The following HMGB1 variants were observed in gnomAD, a reference collection of about 807,000 sequenced individuals.
The protein encoded by HMGB1 is high mobility group box 1.
For synonymous variants in HMGB1, 81 were observed against 84.0 expected, an observed-to-expected ratio of 0.96 and a Z score of 0.19; for missense variants, 79 against 253.5, an observed-to-expected ratio of 0.31 and a Z score of 4.67.
chr13:30,608,301 A>G (rs1415409061), intron 1 of HMGB1, among the ~76,000 whole-genome samples: 2 of 152,198 alleles, frequency 1.3e-5, no homozygotes, highest in Non-Finnish European at 2.9e-5. Flanking sequence ...AATTTGTTAC[A>G]TAACAAAATA....
Position 30,480,901 on chromosome 13 carries a change from T to C in HMGB1, c.-14-17207A>G, listed in dbSNP as rs143232856. Among the ~76,000 whole-genome samples the C allele has an allele frequency of 8.0e-4, 121 of 151,852 alleles. 1 individual carries two copies. In the East Asian group the frequency reaches 0.017, roughly 21 times the overall value. ...ATCAAAAGGCACTTATTTCAACACT[T>C]CAGGGAAAAGTAGTAACTAAGGAAA... On this transcript the variant is annotated intron_variant, in intron 1 of 4. Transcript: ENST00000405805.
At position 30,514,082 on chromosome 13, in the gene HMGB1, T is replaced by C. The variant is rs1888050029; in HGVS notation, c.-14-50388A>G. On this transcript the variant is annotated intron_variant, in intron 1 of 4. Coordinates refer to the HMGB1 transcript ENST00000405805. ...TTCATCCATCCACTCTCTCTTCATA[T>C]GGTCCACCTCTCATCTAAGGCCCTT... 2.6e-5 allele frequency among the ~76,000 whole-genome samples: 4 copies of C among 152,126 alleles called. No homozygotes were observed. The South Asian group carries it at 8.3e-4, about 32-fold the overall frequency.
intron 1 of HMGB1, among the ~76,000 whole-genome samples, chr13:30,598,384 A>G (rs1446348186): frequency 1.3e-5 from 2 of 152,346 alleles, no homozygotes; most frequent in East Asian, 3.9e-4. Context: ...ATTTTTCTAA[A>G]TGTGGCCACT....
At chr13:30,585,358 A>C (rs1287175433) in intron 1 of HMGB1, among the ~76,000 whole-genome samples, 1 of 151,952 alleles carries the variant, frequency 6.6e-6, no homozygotes, top group Admixed American at 6.6e-5. Context: ...AAACAAAAAA[A>C]CCCAATGCAT....
intron 1 of HMGB1, among the ~76,000 whole-genome samples, chr13:30,490,233 G>T (rs1398563690): frequency 6.6e-6 from 1 of 152,042 alleles, no homozygotes; most frequent in Non-Finnish European, 1.5e-5. Flanking sequence ...CCTTCACCAA[G>T]TCTGAACCGA....
At chr13:30,526,416 G>T (rs1411354629) in intron 1 of HMGB1, among the ~76,000 whole-genome samples, 1 of 152,200 alleles carries the variant, frequency 6.6e-6, no homozygotes, top group African/African-American at 2.4e-5. Flanking sequence ...AACTCTATGA[G>T]ATTGTATTTT....
At chr13:30,617,527 A>G (rs1950580870) in exon 1 of HMGB1, 1 of 152,098 alleles carries the variant, frequency 6.6e-6, no homozygotes, top group Middle Eastern at 3.1e-3. Context: ...GCTCCCGACC[A>G]CGCTCGCGCG....
chr13:30,593,228 C>G (rs1419463539), intron 1 of HMGB1, among the ~76,000 whole-genome samples: 1 of 151,910 alleles, frequency 6.6e-6, no homozygotes, highest in Non-Finnish European at 1.5e-5. Context: ...TTACAGACCA[C>G]CCCCCCGTAG....
At chr13:30,575,910 A>C (rs935141203) in intron 1 of HMGB1, among the ~76,000 whole-genome samples, 7 of 152,074 alleles carry the variant, frequency 4.6e-5, no homozygotes, top group Non-Finnish European at 8.8e-5. Context: ...CTCTAAAAAA[A>C]ATTCGTTTTA....
intron 1 of HMGB1, chr13:30,542,688 C>A: frequency 5.0e-6 from 1 of 200,702 alleles, no homozygotes. Flanking sequence ...GCTTCCTGTT[C>A]CTTGGATTTC....
chr13:30,507,581 A>G (rs1434872149), intron 1 of HMGB1, among the ~76,000 whole-genome samples: 1 of 152,214 alleles, frequency 6.6e-6, no homozygotes, highest in Non-Finnish European at 1.5e-5. Context: ...CAGAATTACT[A>G]TTTCAAGAAA....
intron 1 of HMGB1, among the ~76,000 whole-genome samples, chr13:30,526,897 G>A (rs1335225799): frequency 6.6e-6 from 1 of 152,244 alleles, no homozygotes; most frequent in East Asian, 1.9e-4. Flanking sequence ...TTTTGTCTCA[G>A]ATCACAATCA....
At chr13:30,538,472 T>G (rs1203585829) in intron 1 of HMGB1, among the ~76,000 whole-genome samples, 1 of 35,388 alleles carries the variant, frequency 2.8e-5, no homozygotes, top group Non-Finnish European at 6.8e-5. Context: ...CTTTCTTTCT[T>G]TCTTTCTTTC....
intron 1 of HMGB1, among the ~76,000 whole-genome samples, chr13:30,556,578 TAAA>T (rs1459455344): frequency 2.0e-5 from 3 of 152,042 alleles, no homozygotes; most frequent in Non-Finnish European, 4.4e-5. Flanking sequence ...TATTCAGCCA[TAAA>T]AAAGAGTGAA....
intron 1 of HMGB1, among the ~76,000 whole-genome samples, chr13:30,560,736 AAT>A (rs1869914898): frequency 6.6e-6 from 1 of 152,192 alleles, no homozygotes; most frequent in African/African-American, 2.4e-5. Flanking sequence ...CATGGAGATA[AAT>A]TTCTAAGTGT....
At chr13:30,524,798 A>G (rs1888328376) in intron 1 of HMGB1, among the ~76,000 whole-genome samples, 1 of 132,756 alleles carries the variant, frequency 7.5e-6, no homozygotes, top group Non-Finnish European at 1.7e-5. Flanking sequence ...TATGTCTGTA[A>G]CCATCTGCAG....
chr13:30,463,981 G>T, intron 1 of HMGB1: 1 of 467,092 alleles, frequency 2.1e-6, no homozygotes, highest in Non-Finnish European at 3.0e-6. Context: ...AGTCTGCTCT[G>T]AATGAGTATC....
At chr13:30,563,052 T>C (rs912228766) in intron 1 of HMGB1, among the ~76,000 whole-genome samples, 6 of 152,240 alleles carry the variant, frequency 3.9e-5, no homozygotes, top group African/African-American at 7.2e-5. Flanking sequence ...CACAGGGCTT[T>C]AAGCCTCAAG....
At chr13:30,533,465 A>G (rs1041212858) in intron 1 of HMGB1, among the ~76,000 whole-genome samples, 1 of 152,138 alleles carries the variant, frequency 6.6e-6, no homozygotes, top group Non-Finnish European at 1.5e-5. Flanking sequence ...CCTGGGTTCA[A>G]GTGATTCTCC....
Sources: allele counts gnomAD v4.1 joint callset (sites outside exome capture counted in the v4.1 genomes callset), GRCh38; gene constraint gnomAD v4.1.1; transcripts MANE v1.5; gene names NCBI Gene and HGNC (gene_info 2026-07-23, HGNC 2026-07-21).